DHDDS: variants seen among roughly 807,000 people sequenced by gnomAD.
The protein encoded by DHDDS is dehydrodolichyl diphosphate synthase subunit, also known as dehydrodolichyl diphosphate synthase complex subunit DHDDS.
A neutral mutation model predicts 46.2 loss-of-function variants in DHDDS; 16 were observed. That is an observed-to-expected ratio of 0.35 (90% CI 0.23 to 0.53). DHDDS has a LOEUF of 0.53. DHDDS is among the 20% of genes least tolerant of loss of function. The probability of loss-of-function intolerance (pLI) is 0.94; values close to 1 mark genes in which losing one functional copy is unlikely to be tolerated. For missense variants in DHDDS, 340 were observed against 423.7 expected (o/e 0.80, Z 1.73); for synonymous variants, 151 against 163.1 (o/e 0.93, Z 0.56).
intron 3 of DHDDS, among the ~76,000 whole-genome samples, chr1:26,440,988 G>A (rs1161415798): frequency 2.1e-4 from 32 of 151,246 alleles, no homozygotes; most frequent in Non-Finnish European, 4.0e-4. Flanking sequence ...GCAGTGGCGC[G>A]ATCTCAGTTC....
intron 7 of DHDDS, 127 bp downstream of exon 7, chr1:26,458,032 A>C (rs1407103806): frequency 2.6e-6 from 2 of 769,880 alleles, no homozygotes; most frequent in African/African-American, 3.4e-5. Context: ...GGGAAAGCTA[A>C]AATCTGGAGA....
intron 8 of DHDDS, 124 bp from the exon 9 acceptor site, chr1:26,468,771 A>C: frequency 4.5e-6 from 6 of 1,336,866 alleles, no homozygotes; most frequent in Admixed American, 2.0e-5. Context: ...CAAATCTGGT[A>C]CCTACTTTCC....
intron 8 of DHDDS, among the ~76,000 whole-genome samples, chr1:26,461,304 C>G (rs1461185863): frequency 6.6e-6 from 1 of 152,042 alleles, no homozygotes; most frequent in Non-Finnish European, 1.5e-5. Flanking sequence ...CACAGACCAT[C>G]TCCCTAGAAA....
intron 8 of DHDDS, among the ~76,000 whole-genome samples, chr1:26,463,766 A>G (rs1278304352): frequency 6.6e-6 from 1 of 152,078 alleles, no homozygotes; most frequent in African/African-American, 2.4e-5. Context: ...TCGGCCTCCC[A>G]AAGTGCTGGG....
At chr1:26,451,601 G>T (rs1431307025) in intron 6 of DHDDS, among the ~76,000 whole-genome samples, 1 of 150,958 alleles carries the variant, frequency 6.6e-6, no homozygotes, top group Non-Finnish European at 1.5e-5. Flanking sequence ...GATTATAGGT[G>T]CACACCACCA....
intron 2 of DHDDS, among the ~76,000 whole-genome samples, chr1:26,435,632 C>T (rs539562986): frequency 1.4e-5 from 2 of 146,038 alleles, no homozygotes; most frequent in Admixed American, 1.4e-4. Context: ...TTCTTTTTTC[C>T]GAGATGGAGT....
At chr1:26,446,458 G>A in intron 5 of DHDDS, 26 bp downstream of exon 5, 2 of 1,606,968 alleles carry the variant, frequency 1.2e-6, no homozygotes, top group East Asian at 2.2e-5. Flanking sequence ...TCCCTATAGG[G>A]AGCTGTTTCA....
intron 4 of DHDDS, among the ~76,000 whole-genome samples, chr1:26,445,087 C>CATT (rs2075255674): frequency 8.8e-6 from 1 of 113,454 alleles, no homozygotes; most frequent in East Asian, 2.7e-4. Context: ...GGTTCTCCAT[C>CATT]AGCTGTCCAA....
intron 3 of DHDDS, among the ~76,000 whole-genome samples, chr1:26,439,150 C>T (rs552730120): frequency 6.6e-6 from 1 of 152,190 alleles, no homozygotes; most frequent in South Asian, 2.1e-4. Context: ...AGGCTGGTCT[C>T]GAACTCCTGA....
intron 8 of DHDDS, chr1:26,466,382 T>C (rs1321893793): frequency 2.0e-5 from 3 of 152,218 alleles, no homozygotes; most frequent in Admixed American, 6.5e-5. Flanking sequence ...GGTATCCAGA[T>C]ACAGGCCACC....
Position 26,469,825 on chromosome 1 carries a change from T to C in DHDDS, c.*694T>C, listed in dbSNP as rs2075535084. 1.3e-5 allele frequency: 2 copies of C among 156,308 alleles called. No individual in the cohort carries two copies. The highest frequency in any genetic ancestry group is 2.8e-5 in the Non-Finnish European group (2 of 70,334). 9.7% of individuals were successfully genotyped at this position (156,308 alleles called of 1,614,324 possible). ...GCCCACACAAGCTTTTCTCCTCCTC[T>C]TGCAGGGCATGGGGCCAGGCTCCAC... On this transcript the variant is annotated 3_prime_UTR_variant, in exon 9 of 9. Coordinates refer to ENST00000236342, the MANE Select transcript of DHDDS (RefSeq NM_205861.3).
intron 3 of DHDDS, among the ~76,000 whole-genome samples, chr1:26,441,929 C>T (rs2075222992): frequency 6.6e-6 from 1 of 150,966 alleles, no homozygotes. Flanking sequence ...TAGGACATTT[C>T]CATCTCTCCA....
intron 6 of DHDDS, 106 bp downstream of exon 6, chr1:26,447,766 TC>T: frequency 1.0e-6 from 1 of 987,780 alleles, no homozygotes; most frequent in Non-Finnish European, 1.6e-6. Flanking sequence ...AGGTGGGCAG[TC>T]CACTTGAGGC....
intron 2 of DHDDS, among the ~76,000 whole-genome samples, chr1:26,433,474 C>T (rs2075123026): frequency 6.6e-6 from 1 of 151,900 alleles, no homozygotes; most frequent in Non-Finnish European, 1.5e-5. Flanking sequence ...CATGGCAAAA[C>T]CCCGATTCTC....
intron 8 of DHDDS, among the ~76,000 whole-genome samples, chr1:26,462,337 T>C (rs1233197876): frequency 6.6e-6 from 1 of 152,186 alleles, no homozygotes; most frequent in East Asian, 1.9e-4. Context: ...TTCTAATGAT[T>C]ATGATAATAG....
chr1:26,437,369 A>G (rs1234476719), intron 2 of DHDDS, among the ~76,000 whole-genome samples: 1 of 152,150 alleles, frequency 6.6e-6, no homozygotes, highest in Non-Finnish European at 1.5e-5. Context: ...TAGGCCAGCT[A>G]TGGTGGCTCA....
intron 8 of DHDDS, among the ~76,000 whole-genome samples, chr1:26,465,924 C>A (rs1412258086): frequency 6.6e-6 from 1 of 152,180 alleles, no homozygotes; most frequent in East Asian, 1.9e-4. Context: ...AAGGACTTTT[C>A]ATTGGCTAAT....
At chr1:26,457,753 G>T in intron 6 of DHDDS, 38 bp from the exon 7 acceptor site, 11 of 1,446,856 alleles carry the variant, frequency 7.6e-6, no homozygotes, top group Non-Finnish European at 1.1e-5. Flanking sequence ...AATACTACAG[G>T]ATGTGTGCCT....
At chr1:26,457,979 G>A in intron 7 of DHDDS, 74 bp downstream of exon 7, 3 of 1,329,030 alleles carry the variant, frequency 2.3e-6, no homozygotes, top group Non-Finnish European at 2.2e-6. Context: ...GATCAGAGTG[G>A]TCCATCCCCA....
Sources: allele counts gnomAD v4.1 joint callset (sites outside exome capture counted in the v4.1 genomes callset), GRCh38; gene constraint gnomAD v4.1.1; transcripts MANE v1.5; gene names NCBI Gene and HGNC (gene_info 2026-07-23, HGNC 2026-07-21).